PCDH11X: variants seen among roughly 807,000 people sequenced by gnomAD.
PCDH11X encodes protocadherin-11 X-linked.
PCDH11X carries 18 observed loss-of-function variants against 53.3 expected under a neutral mutation model. The ratio of observed to expected loss-of-function variants is 0.34; its 90% CI spans 0.23 to 0.50. PCDH11X has a LOEUF of 0.50. Among genes scored for constraint, PCDH11X ranks in the 20% least tolerant of loss-of-function variants. PCDH11X has a pLI of 0.98. For missense variants in PCDH11X, 570 were observed against 1,032.4 expected (o/e 0.55, Z 6.14); for synonymous variants, 279 against 393.3 (o/e 0.71, Z 3.44).
intron 6 of PCDH11X, among the ~76,000 whole-genome samples, chrX:92,036,294 G>A (rs2759920): frequency 2.7e-5 from 3 of 109,674 alleles, no homozygotes; most frequent in Non-Finnish European, 3.8e-5. Context: ...ATCTTTCTTC[G>A]GATGGTCTTT....
chrX:92,171,749 C>T (rs1182258986), intron 6 of PCDH11X, among the ~76,000 whole-genome samples: 6 of 110,886 alleles, frequency 5.4e-5, no homozygotes, highest in Non-Finnish European at 9.4e-5. Context: ...CATGAGTCAC[C>T]GTGCCCGGCC....
At chrX:92,098,636 C>CTTTTTTTTTTT (rs34306564) in intron 6 of PCDH11X, among the ~76,000 whole-genome samples, 1 of 43,902 alleles carries the variant, frequency 2.3e-5, no homozygotes. Flanking sequence ...TCCAAATGCT[C>CTTTTTTTTTTT]TTTTTTTTTT....
chrX:92,558,476 G>A (rs2075081523), intron 10 of PCDH11X, among the ~76,000 whole-genome samples: 1 of 111,442 alleles, frequency 9.0e-6, no homozygotes, highest in South Asian at 3.7e-4. Flanking sequence ...ACTGGTTAAA[G>A]AGTAAGTTAG....
Position 92,184,279 on chromosome X carries a change from G to C in PCDH11X, c.3034-17096G>C, listed in dbSNP as rs367669688. 4.5e-5 allele frequency among the ~76,000 whole-genome samples: 5 copies of C among 111,749 alleles called. 1 individual carries two copies. Among genetic ancestry groups the C allele is most frequent in the East Asian group, 2.8e-4 (1 of 3,552 alleles). On this transcript the variant is annotated intron_variant, in intron 6 of 10. Transcript: ENST00000682573. The stretch of plus-strand genomic sequence containing the variant: ...TTTATTTAGATCCTCATATGTCTTC[G>C]TTTATCACTAGCCAATCATTTCAAG...
At chrX:91,885,201 CTT>C (rs1398577079) in intron 6 of PCDH11X, among the ~76,000 whole-genome samples, 1 of 107,755 alleles carries the variant, frequency 9.3e-6, no homozygotes. Flanking sequence ...ATTACATACT[CTT>C]AAACAACTGT....
At chrX:92,370,750 G>A (rs2905662) in intron 8 of PCDH11X, among the ~76,000 whole-genome samples, 9 of 111,642 alleles carry the variant, frequency 8.1e-5, no homozygotes, top group East Asian at 2.8e-4. Context: ...GAGCCACTGC[G>A]CCCAGCCAAA....
intron 9 of PCDH11X, among the ~76,000 whole-genome samples, chrX:92,463,614 T>C (rs1413502123): frequency 9.0e-6 from 1 of 111,547 alleles, no homozygotes; most frequent in Non-Finnish European, 1.9e-5. Flanking sequence ...GGATGCTGAA[T>C]CGGATGACTG....
chrX:92,266,322 G>T (rs1042333412), intron 8 of PCDH11X, among the ~76,000 whole-genome samples: 3 of 111,584 alleles, frequency 2.7e-5, no homozygotes, highest in African/African-American at 6.5e-5. Flanking sequence ...AAAGTATAAG[G>T]TTCTCGCATT....
At chrX:91,998,832 T>A (rs765197527) in intron 6 of PCDH11X, among the ~76,000 whole-genome samples, 18 of 111,783 alleles carry the variant, frequency 1.6e-4, no homozygotes, top group African/African-American at 5.5e-4. Flanking sequence ...TAGTAAGCAT[T>A]CAGTACATAT....
intron 10 of PCDH11X, among the ~76,000 whole-genome samples, chrX:92,562,914 G>A (rs1226869151): frequency 9.1e-6 from 1 of 110,070 alleles, no homozygotes; most frequent in Non-Finnish European, 1.9e-5. Context: ...TCACTAAAAA[G>A]TTTCAAACAT....
chrX:92,422,814 C>T (rs1179866705), intron 9 of PCDH11X, among the ~76,000 whole-genome samples: 1 of 109,929 alleles, frequency 9.1e-6, no homozygotes, highest in Admixed American at 9.7e-5. Context: ...TCCACGCCAA[C>T]GTCTATTTTT....
chrX:92,419,122 A>C (rs1306423888), intron 9 of PCDH11X, among the ~76,000 whole-genome samples: 20 of 105,582 alleles, frequency 1.9e-4, no homozygotes, highest in Non-Finnish European at 2.7e-4. Flanking sequence ...TTATAATTAT[A>C]AAATTTCACT....
At chrX:92,273,683 A>AT (rs915678922) in intron 8 of PCDH11X, among the ~76,000 whole-genome samples, 41 of 110,697 alleles carry the variant, frequency 3.7e-4, no homozygotes, top group African/African-American at 1.2e-3. Flanking sequence ...CTGAAGGAAG[A>AT]TTTGTGGTAA....
chrX:92,493,646 C>CTT (rs780482413), intron 10 of PCDH11X, among the ~76,000 whole-genome samples: 25,785 of 83,728 alleles, frequency 0.31, 4,041 homozygotes, highest in Non-Finnish European at 0.37. Flanking sequence ...GCCCCCTTAA[C>CTT]TTTTTTTTTT....
chrX:92,146,920 A>T (rs1395390067), intron 6 of PCDH11X, among the ~76,000 whole-genome samples: 1 of 110,208 alleles, frequency 9.1e-6, no homozygotes, highest in African/African-American at 3.3e-5. Context: ...AATGGCTTGA[A>T]CCCAGGAGGT....
intron 10 of PCDH11X, among the ~76,000 whole-genome samples, chrX:92,491,952 C>T (rs1298849115): frequency 1.8e-5 from 2 of 110,941 alleles, no homozygotes; most frequent in Non-Finnish European, 3.8e-5. Context: ...ATCAAGAAGT[C>T]CCAAATTATT....
At chrX:92,549,034 T>C (rs2074909509) in intron 10 of PCDH11X, among the ~76,000 whole-genome samples, 1 of 99,329 alleles carries the variant, frequency 1.0e-5, no homozygotes, top group African/African-American at 3.6e-5. Context: ...GTACATCTGA[T>C]CATTGTAGGA....
At chrX:91,944,566 T>C (rs926086869) in intron 6 of PCDH11X, among the ~76,000 whole-genome samples, 5 of 107,080 alleles carry the variant, frequency 4.7e-5, no homozygotes, top group Non-Finnish European at 7.8e-5. Context: ...CTCATTTTTC[T>C]TAGATTTTTA....
intron 9 of PCDH11X, among the ~76,000 whole-genome samples, chrX:92,440,415 C>A (rs1393791553): frequency 8.3e-5 from 9 of 108,853 alleles, no homozygotes; most frequent in Non-Finnish European, 1.5e-4. Context: ...TGGTGATATT[C>A]TTTGGCTGTG....
Sources: allele counts gnomAD v4.1 joint callset (sites outside exome capture counted in the v4.1 genomes callset), GRCh38; gene constraint gnomAD v4.1.1; transcripts MANE v1.5; gene names NCBI Gene and HGNC (gene_info 2026-07-23, HGNC 2026-07-21).